STPG4: variants seen among roughly 807,000 people sequenced by gnomAD.
STPG4 encodes the protein protein STPG4.
STPG4 carries 41 observed loss-of-function variants against 31.5 expected under a neutral mutation model. The ratio of observed to expected loss-of-function variants is 1.30; its 90% CI spans 1.01 to 1.69. STPG4 has a LOEUF of 1.69. STPG4 is among the 40% of genes most tolerant of loss of function. STPG4 has a pLI of 0.00. For missense variants in STPG4, 375 were observed against 293.4 expected (o/e 1.28, Z -2.03); for synonymous variants, 141 against 103.0 (o/e 1.37, Z -2.24).
intron 5 of STPG4, among the ~76,000 whole-genome samples, chr2:47,098,182 C>G (rs1474285070): frequency 6.6e-6 from 1 of 152,176 alleles, no homozygotes; most frequent in Admixed American, 6.5e-5. Flanking sequence ...GTCTTCCAGG[C>G]CTCCTCTCTA....
At chr2:47,144,126 T>C (rs750549242) in intron 3 of STPG4, among the ~76,000 whole-genome samples, 2 of 152,184 alleles carry the variant, frequency 1.3e-5, no homozygotes, top group Non-Finnish European at 2.9e-5. Flanking sequence ...GCTTATACTT[T>C]AAAATCCTCC....
intron 5 of STPG4, chr2:47,129,024 C>T (rs911042692): frequency 2.0e-5 from 3 of 152,250 alleles, no homozygotes; most frequent in Admixed American, 2.0e-4. Context: ...GGGTCCTTCT[C>T]TTTAAGGCAG....
chr2:47,136,152 C>T (rs1686590425), intron 3 of STPG4, among the ~76,000 whole-genome samples: 2 of 148,990 alleles, frequency 1.3e-5, no homozygotes, highest in African/African-American at 4.9e-5. Context: ...TGATTTCTTT[C>T]TTTTTTTTTT....
intron 3 of STPG4, among the ~76,000 whole-genome samples, chr2:47,147,968 T>TC (rs1165173405): frequency 1.3e-5 from 2 of 151,548 alleles, no homozygotes; most frequent in African/African-American, 4.9e-5. Context: ...TTTTTTTTTT[T>TC]TGAGACCGGG....
Position 47,134,775 on chromosome 2 carries a change from G to A in STPG4, c.400-4515C>T, listed in dbSNP as rs906802292. Among the ~76,000 whole-genome samples, 5 of 152,082 alleles carry A rather than the reference G, an allele frequency of 3.3e-5. No homozygotes were observed. In the East Asian group the frequency reaches 9.6e-4, roughly 29 times the overall value. ...GAGTATGTTTAGTTTTTTAAAAAAC[G>A]GCCAAACTGTCTTCCAAAGTGGCTA... On this transcript the variant is annotated intron_variant, in intron 3 of 6. Transcript: ENST00000445927.
chr2:47,123,264 G>A (rs1479779183), intron 5 of STPG4, among the ~76,000 whole-genome samples: 1 of 152,130 alleles, frequency 6.6e-6, no homozygotes, highest in African/African-American at 2.4e-5. Flanking sequence ...TTTAGAAATA[G>A]AAAAGCATTT....
chr2:47,089,516 T>C (rs1347444291), intron 6 of STPG4, among the ~76,000 whole-genome samples: 1 of 152,236 alleles, frequency 6.6e-6, no homozygotes, highest in Non-Finnish European at 1.5e-5. Context: ...GGGCCCATTT[T>C]CTTACAGGCA....
chr2:47,133,861 G>C (rs187966888), intron 3 of STPG4, among the ~76,000 whole-genome samples: 1 of 152,088 alleles, frequency 6.6e-6, no homozygotes, highest in East Asian at 1.9e-4. Context: ...ATAGACATGA[G>C]ACACAGCGCC....
chr2:47,118,540 C>T (rs572225957), intron 5 of STPG4, among the ~76,000 whole-genome samples: 71 of 152,268 alleles, frequency 4.7e-4, no homozygotes, highest in African/African-American at 1.7e-3. Flanking sequence ...CCCACTCCAA[C>T]CCTGGTCCAT....
chr2:47,129,579 C>T (rs1160610061), intron 5 of STPG4: 1 of 212,470 alleles, frequency 4.7e-6, no homozygotes, highest in East Asian at 1.2e-4. Flanking sequence ...TGTTCCCGTG[C>T]AAAGTCCCCC....
intron 3 of STPG4, among the ~76,000 whole-genome samples, chr2:47,149,404 A>G (rs1297423985): frequency 6.6e-6 from 1 of 152,234 alleles, no homozygotes; most frequent in South Asian, 2.1e-4. Flanking sequence ...GAGAGTAAGA[A>G]AGACTTTGCA....
chr2:47,106,248 C>T (rs36110771), intron 5 of STPG4, among the ~76,000 whole-genome samples: 8,292 of 151,988 alleles, frequency 0.055, 418 homozygotes, highest in African/African-American at 0.11. Flanking sequence ...GAACATTGAC[C>T]TATATCTGCC....
intron 3 of STPG4, among the ~76,000 whole-genome samples, chr2:47,141,135 C>T (rs1686695821): frequency 6.6e-6 from 1 of 152,026 alleles, no homozygotes; most frequent in South Asian, 2.1e-4. Flanking sequence ...GATCTGCCCC[C>T]CTCGGCCTCC....
intron 3 of STPG4, among the ~76,000 whole-genome samples, chr2:47,146,564 G>GAAA (rs34954854): frequency 4.4e-5 from 6 of 137,492 alleles, no homozygotes; most frequent in South Asian, 4.7e-4. Context: ...CATCTCTACT[G>GAAA]AAAAAAAAAA....
Position 47,108,395 on chromosome 2 carries a change from GT to G in STPG4, c.520-18022del, listed in dbSNP as rs1228251698. ...ATGAGCTGTAACACTCACCGCGAAG[GT>G]ATGCAGCTTCACTCCTGAGCCAGCG... is the stretch of plus-strand genomic sequence containing the variant. On this transcript the variant is annotated intron_variant, in intron 5 of 6. Transcript: ENST00000445927. 7 of 153,466 alleles carry G rather than the reference GT, an allele frequency of 4.6e-5. No homozygotes were observed. The Admixed American group carries it at 4.6e-4, about 10-fold the overall frequency. The allele number at this position is 153,466 out of a possible 1,614,324, so 9.5% of individuals were successfully genotyped here.
intron 5 of STPG4, among the ~76,000 whole-genome samples, chr2:47,114,631 A>G (rs531094958): frequency 1.2e-4 from 18 of 152,392 alleles, no homozygotes; most frequent in Middle Eastern, 3.4e-3. Context: ...ATCAAAAGTT[A>G]TAACACAAAT....
At chr2:47,143,740 G>T (rs950045985) in intron 3 of STPG4, among the ~76,000 whole-genome samples, 1 of 151,848 alleles carries the variant, frequency 6.6e-6, no homozygotes, top group African/African-American at 2.4e-5. Context: ...CGCCTGCCTC[G>T]GCCTCCCAAA....
chr2:47,087,437 C>T (rs1421044987), intron 6 of STPG4, among the ~76,000 whole-genome samples: 1 of 152,236 alleles, frequency 6.6e-6, no homozygotes. Flanking sequence ...GGCACACCTT[C>T]TCCCAAAGGG....
chr2:47,141,086 C>A (rs2103794637), intron 3 of STPG4, among the ~76,000 whole-genome samples: 1 of 152,014 alleles, frequency 6.6e-6, no homozygotes, highest in Middle Eastern at 3.4e-3. Context: ...GGGGTTTCAC[C>A]ATATTGGCTA....
Sources: gnomAD v4.1 joint callset for allele counts (sites outside exome capture counted in the v4.1 genomes callset) on GRCh38, gnomAD v4.1.1 for gene constraint, MANE v1.5 for transcripts, NCBI Gene and HGNC (gene_info 2026-07-23, HGNC 2026-07-21) for gene names.